NRL: variants seen among roughly 807,000 people sequenced by gnomAD.
NRL encodes neural retina-specific leucine zipper protein.
A neutral mutation model predicts 12.5 loss-of-function variants in NRL; 16 were observed. That is an observed-to-expected ratio of 1.28 (90% confidence interval 0.87 to 1.95). NRL has a LOEUF of 1.95. Among genes scored for constraint, NRL ranks in the 30% most tolerant of loss-of-function variants. The pLI, the probability that NRL is intolerant of heterozygous loss-of-function variation, is 0.00. For missense variants in NRL, 314 were observed against 325.8 expected, an observed-to-expected ratio of 0.96 and a Z score of 0.28; for synonymous variants, 142 against 150.9, an observed-to-expected ratio of 0.94 and a Z score of 0.43.
At chr14:24,091,727 C>T (rs1214379678) in intron 1 of NRL, among the ~76,000 whole-genome samples, 2 of 151,156 alleles carry the variant, frequency 1.3e-5, no homozygotes, top group East Asian at 3.9e-4. Context: ...TTTCAATATA[C>T]ACAAAGCAAT....
rs1345702285 is a variant in NRL at position 24,078,720 on chromosome 14, T to G, written c.*2516A>C. Among the ~76,000 whole-genome samples the G allele has an allele frequency of 3.9e-5, 6 of 152,354 alleles. No homozygotes were observed. In the East Asian group the frequency reaches 1.2e-3, roughly 29 times the overall value. On this transcript the variant is annotated 3_prime_UTR_variant, in exon 3 of 3. Coordinates refer to ENST00000561028, the MANE Select transcript of NRL (RefSeq NM_001354768.3). ...AGTGCTTATTTAAATGCATTTATTCTCAGTAGGTGGTTACCATTATTTTCA... is the reference window on the plus strand; with the variant it reads ...AGTGCTTATTTAAATGCATTTATTCGCAGTAGGTGGTTACCATTATTTTCA...
chr14:24,103,062 G>C, intron 1 of NRL: 1 of 1,204,648 alleles, frequency 8.3e-7, no homozygotes, highest in Non-Finnish European at 1.2e-6. Flanking sequence ...GGATAGCCGA[G>C]GTCTTAGGAG....
intron 1 of NRL, among the ~76,000 whole-genome samples, chr14:24,083,693 T>G (rs1420386301): frequency 6.6e-6 from 1 of 152,126 alleles, no homozygotes; most frequent in African/African-American, 2.4e-5. Context: ...TACCAAAGAG[T>G]GTTCTCTAGA....
At chr14:24,082,173 T>A in intron 2 of NRL, 1 of 696,624 alleles carries the variant, frequency 1.4e-6, no homozygotes, top group Non-Finnish European at 1.8e-6. Flanking sequence ...TGTATCTGTT[T>A]ACCCCCCGGA....
At chr14:24,113,585 A>T (rs2037462042) in intron 1 of NRL, among the ~76,000 whole-genome samples, 1 of 152,226 alleles carries the variant, frequency 6.6e-6, no homozygotes, top group African/African-American at 2.4e-5. Flanking sequence ...GCCGAGTGCA[A>T]GATGAAAATA....
chr14:24,110,173 TGCAGTGGC>T (rs1397926981), intron 1 of NRL: 1 of 157,852 alleles, frequency 6.3e-6, no homozygotes, highest in Non-Finnish European at 1.4e-5. Context: ...CTGGATGAAG[TGCAGTGGC>T]GCAATCATGG....
chr14:24,111,130 G>A (rs1232644069), intron 1 of NRL, among the ~76,000 whole-genome samples: 7 of 151,980 alleles, frequency 4.6e-5, no homozygotes, highest in African/African-American at 1.5e-4. Flanking sequence ...ATAGGCACGC[G>A]CCACGATGGC....
chr14:24,108,013 G>A (rs2037364860), intron 1 of NRL, among the ~76,000 whole-genome samples: 1 of 152,140 alleles, frequency 6.6e-6, no homozygotes, highest in Admixed American at 6.5e-5. Flanking sequence ...CTTATTAAAT[G>A]TTCAAATTGT....
intron 1 of NRL, chr14:24,103,076 G>C: frequency 1.6e-6 from 2 of 1,250,830 alleles, no homozygotes; most frequent in East Asian, 4.7e-5. Context: ...TTAGGAGAGA[G>C]AGTACCAGTC....
rs2036440313 is a variant in NRL, at chr14:24,085,382, T to C, written c.-27-2507A>G. Among the ~76,000 whole-genome samples the C allele has an allele frequency of 6.6e-6, 1 of 152,168 alleles. No individual in the cohort carries two copies. Among genetic ancestry groups the C allele is most frequent in the Non-Finnish European group, 1.5e-5 (1 of 68,040 alleles). Reference sequence around the variant, plus strand: ...CATATGCCCTCTGCTTTCTCTCACCTTTTCCCTGTGTGTGTCTCTGCCCCT... The same window carrying C: ...CATATGCCCTCTGCTTTCTCTCACCCTTTCCCTGTGTGTGTCTCTGCCCCT... On this transcript the variant is annotated intron_variant, in intron 1 of 2. Transcript: ENST00000561028. The surrounding 1 kb of genome is among the most constrained non-coding windows in gnomAD (Gnocchi z 4.1).
chr14:24,081,813 G>A lies in NRL; in HGVS notation c.382-245C>T. The A allele has an allele frequency of 1.4e-6, 2 of 1,462,060 alleles. No homozygotes were observed. The highest frequency in any genetic ancestry group is 1.8e-6 in the Non-Finnish European group (2 of 1,111,114). The allele number at this position is 1,462,060 out of a possible 1,614,324, so 90.6% of individuals were successfully genotyped here. The stretch of plus-strand genomic sequence containing the variant: ...CGCCCCACGGTGCAGGGCCGGCCAC[G>A]GTCAGGCGAGCCCGTCGCGCACCTA... On this transcript the variant is annotated intron_variant, in intron 2 of 2. Transcript: ENST00000561028. The surrounding 1 kb of genome is among the most constrained non-coding windows in gnomAD (Gnocchi z 4.4).
At chr14:24,109,990 C>T (rs1279768825) in intron 1 of NRL, among the ~76,000 whole-genome samples, 1 of 152,064 alleles carries the variant, frequency 6.6e-6, no homozygotes, top group Admixed American at 6.5e-5. Flanking sequence ...GTTTTTTGTT[C>T]GTTTTTCTGG....
intron 1 of NRL, 66 bp from the exon 2 acceptor site, chr14:24,082,941 C>G: frequency 6.8e-7 from 1 of 1,479,616 alleles, no homozygotes. Flanking sequence ...CACCAAGTCC[C>G]TCTTCCCTCA....
chr14:24,102,605 C>A, intron 1 of NRL: 1 of 657,144 alleles, frequency 1.5e-6, no homozygotes, highest in Non-Finnish European at 2.6e-6. Flanking sequence ...CCCTGGCTCC[C>A]CTCTCTCTGC....
chr14:24,087,357 G>A (rs1301834594), intron 1 of NRL, among the ~76,000 whole-genome samples: 1 of 152,144 alleles, frequency 6.6e-6, no homozygotes, highest in East Asian at 1.9e-4. Context: ...CAGAGGAAGA[G>A]CAGTGGCCAA....
In NRL at chr14:24,090,851, G is replaced by A. The variant is rs968353074; in HGVS notation, c.-27-7976C>T. ...CCCTTGCTCCATCTGCCTAAAGCTAGAGAAGAAAGTAATGGTGGGGAAGAA... is the reference window on the plus strand; with the variant it reads ...CCCTTGCTCCATCTGCCTAAAGCTAAAGAAGAAAGTAATGGTGGGGAAGAA... On this transcript the variant is annotated intron_variant, in intron 1 of 2. Transcript: ENST00000561028. Among the ~76,000 whole-genome samples, 6 of 152,226 alleles carry A rather than the reference G, an allele frequency of 3.9e-5. No individual in the cohort carries two copies. The South Asian group carries it at 8.3e-4, about 21-fold the overall frequency.
chr14:24,110,540 C>G (rs1038226844), intron 1 of NRL: 1 of 166,028 alleles, frequency 6.0e-6, no homozygotes, highest in Non-Finnish European at 1.4e-5. Flanking sequence ...AAATAGAAGG[C>G]TACAACAAAC....
At position 24,094,316 on chromosome 14, in the gene NRL, T is replaced by A. The variant is rs2036749559; in HGVS notation, c.-27-11441A>T. 9 of 1,324,976 alleles carry A rather than the reference T, an allele frequency of 6.8e-6. No individual in the cohort carries two copies. The highest frequency in any genetic ancestry group is 9.4e-6 in the Non-Finnish European group (9 of 959,980). The allele number at this position is 1,324,976 out of a possible 1,614,324, so 82.1% of individuals were successfully genotyped here. A position where few individuals can be genotyped will look rare whatever the true frequency, so the allele number is the denominator to read the frequency against. ...GCCTCCCGCCAGCCTCTGCTGTGGC[T>A]CGCTTCGCCGCGCTCCCTCCTTCCC... On this transcript the variant is annotated intron_variant, in intron 1 of 2. Transcript: ENST00000561028. The surrounding 1 kb of genome is among the most constrained non-coding windows in gnomAD (Gnocchi z 4.1).
In NRL at chr14:24,099,196, G is replaced by A. The variant is rs145832168; in HGVS notation, c.-28+15526C>T. The A allele has an allele frequency of 6.5e-5, 105 of 1,603,468 alleles. No individual in the cohort carries two copies. The highest frequency in any genetic ancestry group is 1.6e-4 in the East Asian group (7 of 44,826). On this transcript the variant is annotated intron_variant, in intron 1 of 2. Coordinates refer to ENST00000561028, the MANE Select transcript of NRL (RefSeq NM_001354768.3). ...TGCTTTGCCCTACGCATCGCCTCTC[G>A]GCTGGCCCGGGATGAGGGCTGGCTG...
Sources: gnomAD v4.1 joint callset for allele counts (sites outside exome capture counted in the v4.1 genomes callset) on GRCh38, gnomAD v4.1.1 for gene constraint, Gnocchi (gnomAD v3.1) non-coding constraint, MANE v1.5 for transcripts, NCBI Gene and HGNC (gene_info 2026-07-23, HGNC 2026-07-21) for gene names.